The following GALNT1 variants were observed in gnomAD, a reference collection of about 807,000 sequenced individuals.
GALNT1 encodes the protein GalNAc transferase 1.
GALNT1 carries 17 observed loss-of-function variants against 65.7 expected under a neutral mutation model. The ratio of observed to expected loss-of-function variants is 0.26; its 90% confidence interval spans 0.18 to 0.39. The LOEUF (loss-of-function observed/expected upper bound fraction) is 0.39. Ranked by LOEUF, GALNT1 falls within the 10% of genes least tolerant of loss-of-function variation. The pLI, the probability that GALNT1 is intolerant of heterozygous loss-of-function variation, is 1.00. For missense variants in GALNT1, 460 were observed against 672.8 expected, an observed-to-expected ratio of 0.68 and a Z score of 3.50; for synonymous variants, 210 against 219.7, an observed-to-expected ratio of 0.96 and a Z score of 0.39.
At chr18:35,637,844 CTT>C (rs2047111026) in intron 1 of GALNT1, among the ~76,000 whole-genome samples, 1 of 152,148 alleles carries the variant, frequency 6.6e-6, no homozygotes, top group African/African-American at 2.4e-5. Flanking sequence ...CAGCTAGTAA[CTT>C]TAAGTTGAAG....
At chr18:35,624,863 T>C (rs2046896601) in intron 1 of GALNT1, among the ~76,000 whole-genome samples, 1 of 152,246 alleles carries the variant, frequency 6.6e-6, no homozygotes, top group African/African-American at 2.4e-5. Context: ...CTGGCATTTT[T>C]ATTTATTTAC....
At chr18:35,685,153 T>G (rs2047847643) in intron 5 of GALNT1, among the ~76,000 whole-genome samples, 1 of 152,042 alleles carries the variant, frequency 6.6e-6, no homozygotes, top group Non-Finnish European at 1.5e-5. Context: ...AAAATTACAG[T>G]GCAAATCTGT....
intron 1 of GALNT1, among the ~76,000 whole-genome samples, chr18:35,628,107 A>T (rs1355038039): frequency 6.6e-6 from 1 of 152,184 alleles, no homozygotes; most frequent in East Asian, 1.9e-4. Flanking sequence ...CAGCTCAAGG[A>T]GGCCTGCTGC....
At chr18:35,706,660 A>G (rs1046450646) in intron 11 of GALNT1, among the ~76,000 whole-genome samples, 1 of 152,184 alleles carries the variant, frequency 6.6e-6, no homozygotes, top group African/African-American at 2.4e-5. Flanking sequence ...TTGAGCATTC[A>G]GGATGTTTGT....
At chr18:35,610,038 A>G (rs913655193) in intron 1 of GALNT1, among the ~76,000 whole-genome samples, 1 of 152,210 alleles carries the variant, frequency 6.6e-6, no homozygotes, top group African/African-American at 2.4e-5. Context: ...TTTATGGATC[A>G]CAGAGTGTTC....
At chr18:35,666,547 G>T (rs1423432789) in intron 3 of GALNT1, among the ~76,000 whole-genome samples, 1 of 152,042 alleles carries the variant, frequency 6.6e-6, no homozygotes, top group Non-Finnish European at 1.5e-5. Flanking sequence ...AATTGTTTTT[G>T]TCATTTTAAT....
At chr18:35,677,817 C>G in intron 4 of GALNT1, 60 bp downstream of exon 4, 1 of 1,232,836 alleles carries the variant, frequency 8.1e-7, no homozygotes, top group Non-Finnish European at 1.1e-6. Context: ...ACGGTTAAAA[C>G]TAGTTGCTAT....
At chr18:35,666,770 A>T (rs971983887) in intron 3 of GALNT1, among the ~76,000 whole-genome samples, 1 of 152,160 alleles carries the variant, frequency 6.6e-6, no homozygotes, top group African/African-American at 2.4e-5. Flanking sequence ...TCACACTTGA[A>T]GACTCTTCAG....
intron 3 of GALNT1, among the ~76,000 whole-genome samples, chr18:35,666,290 T>C (rs1248747630): frequency 6.6e-6 from 1 of 152,210 alleles, no homozygotes; most frequent in Non-Finnish European, 1.5e-5. Context: ...TTGAATATTG[T>C]GCATGTAAAA....
intron 1 of GALNT1, among the ~76,000 whole-genome samples, chr18:35,604,625 A>G (rs746000454): frequency 8.5e-5 from 13 of 152,122 alleles, no homozygotes; most frequent in East Asian, 3.9e-4. Context: ...GTGTGAGGTG[A>G]TATCTCACTG....
At chr18:35,698,471 A>G (rs938084835) in intron 9 of GALNT1, among the ~76,000 whole-genome samples, 2 of 152,116 alleles carry the variant, frequency 1.3e-5, no homozygotes, top group Non-Finnish European at 2.9e-5. Flanking sequence ...ACTGTCTGAA[A>G]ATATAAAATA....
chr18:35,597,958 CTA>C (rs1385674174), intron 1 of GALNT1, among the ~76,000 whole-genome samples: 1 of 147,610 alleles, frequency 6.8e-6, no homozygotes, highest in Admixed American at 6.9e-5. Flanking sequence ...AGTCACCTGA[CTA>C]TACTATTGAG....
Position 35,683,535 on chromosome 18 carries a change from A to G in GALNT1, c.626A>G (p.Asp209Gly). The change falls in exon 5 of 12, where the codon GAT (aspartate) becomes GGT (glycine). Residue 209 changes from aspartate (D) to glycine (G), a missense_variant. Transcript: ENST00000269195. Reference sequence around the variant, plus strand: ...AAAGGCCAAGTGATCACCTTCCTGGATGCCCATTGTGAGTGTACAGTGGGA... The same window carrying G: ...AAAGGCCAAGTGATCACCTTCCTGGGTGCCCATTGTGAGTGTACAGTGGGA... ...VSKGQVITFLDAHCECTVGWL... is the reference protein window; with the variant it reads ...VSKGQVITFLGAHCECTVGWL... 1 of 1,613,858 alleles carries G rather than the reference A, an allele frequency of 6.2e-7. No individual in the cohort carries two copies. Among genetic ancestry groups the G allele is most frequent in the Non-Finnish European group, 8.5e-7 (1 of 1,179,832 alleles).
At chr18:35,672,904 G>A (rs949461456) in intron 3 of GALNT1, among the ~76,000 whole-genome samples, 3 of 152,110 alleles carry the variant, frequency 2.0e-5, no homozygotes, top group African/African-American at 7.2e-5. Flanking sequence ...AATGTGCTCA[G>A]TTTACAAATG....
At chr18:35,685,314 C>T (rs1291115945) in intron 5 of GALNT1, among the ~76,000 whole-genome samples, 2 of 152,086 alleles carry the variant, frequency 1.3e-5, no homozygotes, top group Non-Finnish European at 2.9e-5. Context: ...TCGTTTAATA[C>T]ATCCCATTAA....
intron 1 of GALNT1, among the ~76,000 whole-genome samples, chr18:35,612,601 C>T (rs1221364566): frequency 6.6e-6 from 1 of 152,178 alleles, no homozygotes; most frequent in Non-Finnish European, 1.5e-5. Context: ...GCGTGGTGCT[C>T]ACGCCTGTAA....
At chr18:35,646,644 C>T (rs569545978) in intron 1 of GALNT1, among the ~76,000 whole-genome samples, 1 of 152,326 alleles carries the variant, frequency 6.6e-6, no homozygotes, top group Non-Finnish European at 1.5e-5. Flanking sequence ...ATGACTCAGT[C>T]TTCACTTCCA....
At chr18:35,690,858 A>G (rs764409195) in intron 7 of GALNT1, among the ~76,000 whole-genome samples, 154 bp from the exon 8 acceptor site, 5 of 152,164 alleles carry the variant, frequency 3.3e-5, no homozygotes, top group Non-Finnish European at 5.9e-5. Context: ...GGTACTTTGG[A>G]AGCTTTTTAC....
chr18:35,636,270 G>A (rs560770603), intron 1 of GALNT1, among the ~76,000 whole-genome samples: 4 of 152,070 alleles, frequency 2.6e-5, no homozygotes, highest in South Asian at 2.1e-4. Flanking sequence ...CTGTTTCCTC[G>A]ACTTACTTGA....
Sources: gnomAD v4.1 joint callset for allele counts (sites outside exome capture counted in the v4.1 genomes callset) on GRCh38, gnomAD v4.1.1 for gene constraint, MANE v1.5 for transcripts, NCBI Gene and HGNC (gene_info 2026-07-23, HGNC 2026-07-21) for gene names.